SPECC1: variants seen among roughly 807,000 people sequenced by gnomAD.
SPECC1 encodes sperm antigen with calponin homology and coiled-coil domains 1.
SPECC1 carries 62 observed loss-of-function variants against 104.1 expected under a neutral mutation model. The observed-to-expected ratio is 0.60, with a 90% CI of 0.49 to 0.74. SPECC1 has a LOEUF of 0.74. Ranked by LOEUF, SPECC1 falls within the 30% of genes least tolerant of loss-of-function variation. SPECC1 has a pLI of 0.00. For synonymous variants in SPECC1, 513 were observed against 501.6 expected, an observed-to-expected ratio of 1.02 and a Z score of -0.30; for missense variants, 1,306 against 1,310.5, an observed-to-expected ratio of 1.00 and a Z score of 0.05.
chr17:20,138,480 C>T (rs773845158), intron 3 of SPECC1, among the ~76,000 whole-genome samples: 4 of 152,148 alleles, frequency 2.6e-5, no homozygotes, highest in Non-Finnish European at 5.9e-5. Flanking sequence ...TAATATCACA[C>T]AGAGTAGTTT....
chr17:20,140,569 G>A (rs2030651903), intron 3 of SPECC1, among the ~76,000 whole-genome samples: 2 of 152,152 alleles, frequency 1.3e-5, no homozygotes, highest in African/African-American at 4.8e-5. Context: ...AGTACAACTA[G>A]CATAAATAGG....
chr17:20,031,033 C>T (rs896359274), intron 1 of SPECC1, among the ~76,000 whole-genome samples: 22 of 152,166 alleles, frequency 1.4e-4, no homozygotes, highest in East Asian at 1.9e-4. Context: ...CTTGCTCTGT[C>T]GCCCAGGCTG....
intron 1 of SPECC1, among the ~76,000 whole-genome samples, chr17:20,056,105 A>G (rs2045954174): frequency 6.6e-6 from 1 of 152,262 alleles, no homozygotes; most frequent in Admixed American, 6.5e-5. Flanking sequence ...TCAGAGACTT[A>G]GTAGCATCTT....
At chr17:20,130,799 A>G (rs2049578264) in intron 3 of SPECC1, among the ~76,000 whole-genome samples, 1 of 152,170 alleles carries the variant, frequency 6.6e-6, no homozygotes, top group South Asian at 2.1e-4. Context: ...TGAACCTGTA[A>G]ATCAATTTGG....
intron 14 of SPECC1, 112 bp downstream of exon 14, chr17:20,306,194 G>T (rs752430689): frequency 2.9e-5 from 28 of 967,424 alleles, no homozygotes; most frequent in Non-Finnish European, 4.0e-5. Flanking sequence ...CCGAAAGTCT[G>T]TTGCTCTCAA....
Position 20,204,754 on chromosome 17 carries a change from C to G in SPECC1, c.705C>G (p.Asn235Lys). The change falls in exon 4 of 15, where the codon AAC becomes AAG. Residue 235 changes from asparagine (N) to lysine (K), a missense_variant. Asn to Lys is a moderately conservative substitution (Grantham distance 94, BLOSUM62 0). Transcript: ENST00000395527. ...GAGCTCTTGAGGAGAAGAACAAGAACTTTCAGAAAGAGCTTTCCGATCTAG... is the reference window on the plus strand; with the variant it reads ...GAGCTCTTGAGGAGAAGAACAAGAAGTTTCAGAAAGAGCTTTCCGATCTAG... The part of the protein sequence containing the change: ...MIRALEEKNK[N>K]FQKELSDLEE... 1.9e-6 allele frequency: 3 copies of G among 1,614,168 alleles called. No individual in the cohort carries two copies. Among genetic ancestry groups the G allele is most frequent in the Non-Finnish European group, 2.5e-6 (3 of 1,180,032 alleles).
intron 12 of SPECC1, among the ~76,000 whole-genome samples, chr17:20,288,539 T>C (rs1027530481): frequency 1.3e-5 from 2 of 152,176 alleles, no homozygotes; most frequent in African/African-American, 2.4e-5. Flanking sequence ...TGAGATACCA[T>C]GTCACACCAG....
intron 3 of SPECC1, among the ~76,000 whole-genome samples, chr17:20,147,940 G>C (rs899293721): frequency 2.8e-4 from 42 of 152,184 alleles, no homozygotes; most frequent in African/African-American, 9.6e-4. Context: ...TGGGAGGGAG[G>C]CTGAGGTGGG....
rs186542335 is a variant in SPECC1, at chr17:20,041,858, C to A, written c.-22+32434C>A. Among the ~76,000 whole-genome samples, 7 of 152,088 alleles carry A rather than the reference C, an allele frequency of 4.6e-5. No homozygotes were observed. In the South Asian group the frequency reaches 1.2e-3, roughly 27 times the overall value. On this transcript the variant is annotated intron_variant, in intron 1 of 14. Transcript: ENST00000395527. Reference sequence around the variant, plus strand: ...GCCAGGATGGTCTCGATCTCCTGATCTTGTGATCCACCTGCCTCGGCCTCC... The same window carrying A: ...GCCAGGATGGTCTCGATCTCCTGATATTGTGATCCACCTGCCTCGGCCTCC...
chr17:20,133,825 T>C (rs1032380777), intron 3 of SPECC1, among the ~76,000 whole-genome samples: 1 of 152,138 alleles, frequency 6.6e-6, no homozygotes, highest in African/African-American at 2.4e-5. Flanking sequence ...CCCTCCCGGC[T>C]TTGCACTCCG....
chr17:20,134,130 A>G (rs1172911677), intron 3 of SPECC1, among the ~76,000 whole-genome samples: 5 of 150,088 alleles, frequency 3.3e-5, no homozygotes, highest in Non-Finnish European at 5.9e-5. Context: ...AACAAAATAT[A>G]GTATAAAATA....
intron 3 of SPECC1, among the ~76,000 whole-genome samples, chr17:20,182,257 T>A (rs1327014092): frequency 1.3e-5 from 2 of 151,832 alleles, no homozygotes; most frequent in Non-Finnish European, 2.9e-5. Flanking sequence ...AGAACTACAG[T>A]TGCACACCAC....
intron 12 of SPECC1, among the ~76,000 whole-genome samples, chr17:20,261,494 T>C (rs1310968786): frequency 3.6e-5 from 4 of 111,740 alleles, no homozygotes; most frequent in East Asian, 2.5e-4. Flanking sequence ...AGAGCAAGAC[T>C]CCGTCTCAAA....
intron 1 of SPECC1, among the ~76,000 whole-genome samples, chr17:20,063,221 T>C (rs991939867): frequency 1.3e-5 from 2 of 152,240 alleles, no homozygotes; most frequent in African/African-American, 2.4e-5. Context: ...TCTTTTCTTA[T>C]GTTTAGCAGT....
Position 20,314,683 on chromosome 17 carries a change from CT to C in SPECC1, c.*620del, listed in dbSNP as rs2042013094. 6.2e-6 allele frequency: 1 copy of C among 161,114 alleles called. No individual in the cohort carries two copies. The highest frequency in any genetic ancestry group is 5.2e-5 in the African/African-American group (1 of 19,244). 10.0% of individuals were successfully genotyped at this position (161,114 alleles called of 1,614,324 possible). On this transcript the variant is annotated 3_prime_UTR_variant, in exon 15 of 15. Coordinates refer to ENST00000395527, the MANE Select transcript of SPECC1 (RefSeq NM_001243439.2). ...AAAACTTTGCCCTTGTGAACCCTCC[CT>C]TCCCCCCTCCCCCCCCAAAAAAAAA...
intron 10 of SPECC1, 33 bp downstream of exon 10, chr17:20,253,619 TA>T: frequency 6.3e-7 from 1 of 1,594,538 alleles, no homozygotes; most frequent in Non-Finnish European, 8.6e-7. Context: ...ACTTTTGACT[TA>T]TCTTTCCGTG....
rs759241328 is a variant in SPECC1, at chr17:20,112,370, C to T, written c.283+1808C>T. Reference sequence around the variant, plus strand: ...TTGTATTGACTCATTGATTGAACACCTAGAAATGGCAATAAAGAATTCTAA... The same window carrying T: ...TTGTATTGACTCATTGATTGAACACTTAGAAATGGCAATAAAGAATTCTAA... On this transcript the variant is annotated intron_variant, in intron 3 of 14. Transcript: ENST00000395527. 16 of 757,404 alleles carry T rather than the reference C, an allele frequency of 2.1e-5. No individual in the cohort carries two copies. In the African/African-American group the frequency reaches 2.7e-4, roughly 13 times the overall value. 46.9% of individuals were successfully genotyped at this position (757,404 alleles called of 1,614,324 possible).
intron 1 of SPECC1, chr17:20,017,653 T>G (rs2044199218): frequency 6.6e-6 from 1 of 152,236 alleles, no homozygotes; most frequent in Non-Finnish European, 1.5e-5. Context: ...CAAAGTTTCT[T>G]CATGCAAATA....
chr17:20,208,860 G>A (rs1425017245), intron 4 of SPECC1, among the ~76,000 whole-genome samples: 14 of 152,116 alleles, frequency 9.2e-5, no homozygotes. Flanking sequence ...GGAGTGTAGT[G>A]GCGATTATAG....
Sources: allele counts gnomAD v4.1 joint callset (sites outside exome capture counted in the v4.1 genomes callset), GRCh38; gene constraint gnomAD v4.1.1; transcripts MANE v1.5; gene names NCBI Gene and HGNC (gene_info 2026-07-23, HGNC 2026-07-21).